The following KLHL24 variants were observed in gnomAD, a reference collection of about 807,000 sequenced individuals.
The protein encoded by KLHL24 is kelch like family member 24.
In KLHL24, 29 loss-of-function variants were observed where a neutral mutation model predicts 53.4. The observed-to-expected ratio is 0.54, with a 90% CI of 0.40 to 0.74. KLHL24 has a LOEUF of 0.74. Among genes scored for constraint, KLHL24 ranks in the 30% least tolerant of loss-of-function variants. The pLI, the probability that KLHL24 is intolerant of heterozygous loss-of-function variation, is 0.00. For synonymous variants in KLHL24, 222 were observed against 253.7 expected, an observed-to-expected ratio of 0.88 and a Z score of 1.19; for missense variants, 504 against 744.0, an observed-to-expected ratio of 0.68 and a Z score of 3.75.
rs999631411 is a variant in KLHL24 at position 183,681,627 on chromosome 3, G to A, written c.*2341G>A. 2.0e-5 allele frequency: 3 copies of A among 151,604 alleles called. No homozygotes were observed. 9.4% of individuals were successfully genotyped at this position (151,604 alleles called of 1,614,324 possible). A position where few individuals can be genotyped will look rare whatever the true frequency, so the allele number is the denominator to read the frequency against. On this transcript the variant is annotated 3_prime_UTR_variant, in exon 8 of 8. Coordinates refer to ENST00000242810, the MANE Select transcript of KLHL24 (RefSeq NM_017644.3). Reference sequence around the variant, plus strand: ...TAAAATTTATATTGAAGGCCACCAAGAACTTAGGTTGAATCTTAGAAAATT... The same window carrying A: ...TAAAATTTATATTGAAGGCCACCAAAAACTTAGGTTGAATCTTAGAAAATT...
intron 3 of KLHL24, among the ~76,000 whole-genome samples, chr3:183,657,946 C>G (rs1719143223): frequency 6.6e-6 from 1 of 152,150 alleles, no homozygotes; most frequent in East Asian, 1.9e-4. Flanking sequence ...GGCATGGTGG[C>G]TCACGCCTGT....
rs146947691 is a variant in KLHL24 at position 183,682,121 on chromosome 3, A to G, written c.*2835A>G. The stretch of plus-strand genomic sequence containing the variant: ...TATTAGTAACGATGACTTATGTATA[A>G]TCAGAATCTTTATGACAATTTAGTT... On this transcript the variant is annotated 3_prime_UTR_variant, in exon 8 of 8. Transcript: ENST00000242810. 19 of 152,248 alleles carry G rather than the reference A, an allele frequency of 1.2e-4. No homozygotes were observed. In the East Asian group the frequency reaches 3.7e-3, roughly 29 times the overall value. The allele number at this position is 152,248 out of a possible 1,614,324, so 9.4% of individuals were successfully genotyped here. A position where few individuals can be genotyped will look rare whatever the true frequency, so the allele number is the denominator to read the frequency against.
At position 183,679,140 on chromosome 3, in the gene KLHL24, C is replaced by T. The variant is rs750740624; in HGVS notation, c.1657C>T (p.Arg553Trp). 23 of 1,613,698 alleles carry T rather than the reference C, an allele frequency of 1.4e-5. No homozygotes were observed. Among genetic ancestry groups the T allele is most frequent in the South Asian group, 3.3e-5 (3 of 91,082 alleles). ...NGKIYILGGR[R>W]ENGEATDTIL... is the part of the protein sequence containing the mutation. ...TAAAATATATATCCTGGGCGGAAGACGGGAAAATGGAGAAGCCACAGACAC... is the reference window on the plus strand; with the variant it reads ...TAAAATATATATCCTGGGCGGAAGATGGGAAAATGGAGAAGCCACAGACAC... The change falls in exon 8 of 8, where the codon CGG becomes TGG. Residue 553 changes from arginine to tryptophan, a missense_variant. Transcript: ENST00000242810.
chr3:183,683,796 T>A lies in KLHL24; in HGVS notation c.*4510T>A, dbSNP rs1346857221. On this transcript the variant is annotated 3_prime_UTR_variant, in exon 8 of 8. Coordinates refer to ENST00000242810, the MANE Select transcript of KLHL24 (RefSeq NM_017644.3). ...TTAAGTTCTCTAGTGCTATTTCAAC[T>A]TTTTTTTCAATCTAAATGAAGCTTA... 6.6e-6 allele frequency: 1 copy of A among 152,474 alleles called. No homozygotes were observed. Among genetic ancestry groups the A allele is most frequent in the Non-Finnish European group, 1.5e-5 (1 of 67,984 alleles). The allele number at this position is 152,474 out of a possible 1,614,324, so 9.4% of individuals were successfully genotyped here.
chr3:183,668,045 C>T (rs963876082), intron 5 of KLHL24, among the ~76,000 whole-genome samples: 11 of 149,008 alleles, frequency 7.4e-5, no homozygotes, highest in African/African-American at 2.2e-4. Context: ...TAATTCCTAA[C>T]GACCTGGATC....
Position 183,684,180 on chromosome 3 carries a change from A to T in KLHL24, c.*4894A>T, listed in dbSNP as rs1352510332. The T allele has an allele frequency of 6.6e-6, 1 of 151,502 alleles. No homozygotes were observed. The highest frequency in any genetic ancestry group is 2.4e-5 in the African/African-American group (1 of 41,188). The allele number at this position is 151,502 out of a possible 1,614,324, so 9.4% of individuals were successfully genotyped here. A position where few individuals can be genotyped will look rare whatever the true frequency, so the allele number is the denominator to read the frequency against. On this transcript the variant is annotated 3_prime_UTR_variant, in exon 8 of 8. Coordinates refer to ENST00000242810, the MANE Select transcript of KLHL24 (RefSeq NM_017644.3). ...AGCACTTACTCTCCCCTTCCCTATC[A>T]CCCCTCCCCCAAGGTTTCTTTATTT...
chr3:183,671,016 C>T lies in KLHL24; in HGVS notation c.1225-18C>T, dbSNP rs763033390. 8 of 1,553,774 alleles carry T rather than the reference C, an allele frequency of 5.1e-6. No individual in the cohort carries two copies. Among genetic ancestry groups the T allele is most frequent in the Non-Finnish European group, 6.1e-6 (7 of 1,138,216 alleles). On this transcript the variant is annotated intron_variant, in intron 5 of 7. Coordinates refer to ENST00000242810, the MANE Select transcript of KLHL24 (RefSeq NM_017644.3). Reference sequence around the variant, plus strand: ...AGACTTTTGATAATTAAGATTTTTCCATGTATTTTACATATAGGTATATGT... The same window carrying T: ...AGACTTTTGATAATTAAGATTTTTCTATGTATTTTACATATAGGTATATGT...
chr3:183,666,724 T>G (rs1720613777), intron 5 of KLHL24, among the ~76,000 whole-genome samples: 1 of 152,204 alleles, frequency 6.6e-6, no homozygotes, highest in Non-Finnish European at 1.5e-5. Flanking sequence ...GGATTTCAGA[T>G]TTTTTAAGAT....
rs1718028093 is a variant in KLHL24 at position 183,650,928 on chromosome 3, C to T, written c.572C>T (p.Ala191Val). 6.2e-6 allele frequency: 10 copies of T among 1,614,024 alleles called. No individual in the cohort carries two copies. Among genetic ancestry groups the T allele is most frequent in the Non-Finnish European group, 8.5e-6 (10 of 1,180,026 alleles). ...CTCTTCACAAAATGCAAAAATTTTG[C>T]GTTACAGACTTTTGAGGATGTATCC... is the stretch of plus-strand genomic sequence containing the variant. ...KTLFTKCKNF[A>V]LQTFEDVSQH... Residue 191 changes from alanine to valine, a missense_variant, in exon 3 of 8, where the codon GCG becomes GTG. Transcript: ENST00000242810. The surrounding 1 kb of genome is among the most constrained non-coding windows in gnomAD (Gnocchi z 4.5).
Position 183,650,392 on chromosome 3 carries a change from G to A in KLHL24, c.36G>A (p.Glu12=). The change falls in exon 3 of 8, where the codon GAG becomes GAA. Residue 12 remains glutamate (E), a synonymous_variant. Coordinates refer to ENST00000242810, the MANE Select transcript of KLHL24 (RefSeq NM_017644.3). The surrounding 1 kb of genome is among the most constrained non-coding windows in gnomAD (Gnocchi z 4.5). Reference sequence around the variant, plus strand: ...TATTGGGACGCAGACTAAACAGAGAGGATCTTGGGGTGCGTGATTCCCCAG... The same window carrying A: ...TATTGGGACGCAGACTAAACAGAGAAGATCTTGGGGTGCGTGATTCCCCAG... ...VLILGRRLNR[E]DLGVRDSPAT... is the part of the protein sequence containing the mutation. 6.2e-7 allele frequency: 1 copy of A among 1,614,092 alleles called. No individual in the cohort carries two copies. The highest frequency in any genetic ancestry group is 1.1e-5 in the South Asian group (1 of 91,080).
rs762856062 is a variant in KLHL24 at position 183,650,560 on chromosome 3, TATC to T, written c.207_209del (p.Ile70del). ...GTGATAGCCGCTTATTCACAGATGT[TATC>T]ATTTGTGTGGAAGGAAAAGAATTTC... On this transcript the variant is annotated inframe_deletion, in exon 3 of 8. Transcript: ENST00000242810. This position sits in a 1 kb window ranked among gnomAD's most constrained non-coding sequence, Gnocchi z 4.5. 5 of 1,614,086 alleles carry T rather than the reference TATC, an allele frequency of 3.1e-6. No individual in the cohort carries two copies. Among genetic ancestry groups the T allele is most frequent in the Non-Finnish European group, 4.2e-6 (5 of 1,179,914 alleles).
At chr3:183,638,640 A>G (rs540117116) in intron 1 of KLHL24, among the ~76,000 whole-genome samples, 4 of 152,302 alleles carry the variant, frequency 2.6e-5, no homozygotes, top group African/African-American at 7.2e-5. Flanking sequence ...AAAAACCGCT[A>G]TTGTTTCTCC....
chr3:183,681,415 G>T lies in KLHL24; in HGVS notation c.*2129G>T, dbSNP rs1462377539. On this transcript the variant is annotated 3_prime_UTR_variant, in exon 8 of 8. Transcript: ENST00000242810. The stretch of plus-strand genomic sequence containing the variant: ...TTTCTCAAGACAACTTTATATTCTA[G>T]TATTTTTCTGTTGTAAAAAGTATTA... 3 of 151,904 alleles carry T rather than the reference G, an allele frequency of 2.0e-5. No individual in the cohort carries two copies. Among genetic ancestry groups the T allele is most frequent in the African/African-American group, 7.2e-5 (3 of 41,382 alleles). The allele number at this position is 151,904 out of a possible 1,614,324, so 9.4% of individuals were successfully genotyped here.
Position 183,672,460 on chromosome 3 carries a change from C to A in KLHL24, c.1578C>A (p.His526Gln). ...CYDPVEDYWM[H>Q]VQNTFSRQEN... is the part of the protein sequence containing the mutation. ...ATCCAGTTGAAGATTACTGGATGCA[C>A]GTACAGAATACATTCAGCCGTCAGG... is the stretch of plus-strand genomic sequence containing the variant. Residue 526 changes from histidine to glutamine, a missense_variant, in exon 7 of 8, where the codon CAC becomes CAA. Transcript: ENST00000242810. 2.5e-6 allele frequency: 4 copies of A among 1,609,278 alleles called. No individual in the cohort carries two copies. Among genetic ancestry groups the A allele is most frequent in the Non-Finnish European group, 3.4e-6 (4 of 1,177,470 alleles).
chr3:183,678,428 T>A (rs1171051291), intron 7 of KLHL24, among the ~76,000 whole-genome samples: 1 of 152,214 alleles, frequency 6.6e-6, no homozygotes, highest in Non-Finnish European at 1.5e-5. Context: ...TTAAAGATGC[T>A]TTTGCTTAAC....
rs1201427361 is a variant in KLHL24, at chr3:183,683,879, T to C, written c.*4593T>C. ...AGTAAATAAACTTCCCCTTCTTAAA[T>C]TGTGTAATAAGCACCAACGTGTGGT... On this transcript the variant is annotated 3_prime_UTR_variant, in exon 8 of 8. Coordinates refer to ENST00000242810, the MANE Select transcript of KLHL24 (RefSeq NM_017644.3). 3 of 152,616 alleles carry C rather than the reference T, an allele frequency of 2.0e-5. No homozygotes were observed. Among genetic ancestry groups the C allele is most frequent in the African/African-American group, 7.2e-5 (3 of 41,462 alleles). The allele number at this position is 152,616 out of a possible 1,614,324, so 9.5% of individuals were successfully genotyped here. A position where few individuals can be genotyped will look rare whatever the true frequency, so the allele number is the denominator to read the frequency against.
chr3:183,675,314 T>A (rs1426494428), intron 7 of KLHL24, among the ~76,000 whole-genome samples: 1 of 152,172 alleles, frequency 6.6e-6, no homozygotes, highest in African/African-American at 2.4e-5. Flanking sequence ...AGGTATAGTC[T>A]CCAATTAGTA....
intron 2 of KLHL24, among the ~76,000 whole-genome samples, chr3:183,647,183 G>A (rs1340768578): frequency 1.3e-5 from 2 of 151,598 alleles, no homozygotes; most frequent in African/African-American, 2.4e-5. Flanking sequence ...CACTTTGGGA[G>A]GACAAGGCGG....
At chr3:183,667,363 T>G (rs1184339803) in intron 5 of KLHL24, among the ~76,000 whole-genome samples, 1 of 152,140 alleles carries the variant, frequency 6.6e-6, no homozygotes, top group Non-Finnish European at 1.5e-5. Context: ...AGCCAAGATT[T>G]TGCCACTGCA....
Sources: allele counts gnomAD v4.1 joint callset (sites outside exome capture counted in the v4.1 genomes callset), GRCh38; gene constraint gnomAD v4.1.1; non-coding constraint Gnocchi (gnomAD v3.1); transcripts MANE v1.5; gene names NCBI Gene and HGNC (gene_info 2026-07-23, HGNC 2026-07-21).